The following SPIN1 variants were observed in gnomAD, a reference collection of about 807,000 sequenced individuals.
SPIN1 encodes spindlin-1.
SPIN1 carries 3 observed loss-of-function variants against 26.0 expected under a neutral mutation model. The observed-to-expected ratio is 0.12, with a 90% CI of 0.05 to 0.30. The LOEUF is 0.30. SPIN1 is among the 10% of genes least tolerant of loss of function. The probability of loss-of-function intolerance (pLI) is 1.00; values close to 1 mark genes in which losing one functional copy is unlikely to be tolerated. For synonymous variants in SPIN1, 101 were observed against 116.5 expected (o/e 0.87, Z 0.86); for missense variants, 126 against 333.4 (o/e 0.38, Z 4.84).
chr9:88,451,308 C>G (rs1050123415), intron 3 of SPIN1, among the ~76,000 whole-genome samples: 1 of 152,256 alleles, frequency 6.6e-6, no homozygotes, highest in Non-Finnish European at 1.5e-5. Flanking sequence ...AGTCACAGAA[C>G]TGCACTGAGT....
chr9:88,416,286 C>A (rs911729815), intron 1 of SPIN1, among the ~76,000 whole-genome samples: 6 of 152,044 alleles, frequency 3.9e-5, no homozygotes, highest in Admixed American at 2.6e-4. Context: ...TTTTAAATTT[C>A]TTTTCTGCTA....
chr9:88,435,251 C>T lies in SPIN1; in HGVS notation c.52+8660C>T, dbSNP rs575177959. ...CTTTTTTGGAGATGGGATCTCACTC[C>T]GTCACCCAGGCTGGAGAGCAGTGGC... On this transcript the variant is annotated intron_variant, in intron 2 of 5. Transcript: ENST00000375859. 4.0e-4 allele frequency among the ~76,000 whole-genome samples: 61 copies of T among 151,164 alleles called. 1 individual carries two copies. Among genetic ancestry groups the T allele is most frequent in the South Asian group, 4.0e-3 (19 of 4,780 alleles).
At chr9:88,471,310 A>T (rs114740745) in intron 5 of SPIN1, among the ~76,000 whole-genome samples, 2,478 of 151,528 alleles carry the variant, frequency 0.016, 64 homozygotes, top group African/African-American at 0.057. Context: ...TTTGCTTGTG[A>T]CTGCCTATCT....
rs1341499362 is a variant in SPIN1, at chr9:88,476,581, A to G, written c.*1304A>G. 6.6e-6 allele frequency: 1 copy of G among 152,220 alleles called. No individual in the cohort carries two copies. The highest frequency in any genetic ancestry group is 1.9e-4 in the East Asian group (1 of 5,194). The allele number at this position is 152,220 out of a possible 1,614,324, so 9.4% of individuals were successfully genotyped here. Reference sequence around the variant, plus strand: ...GTTTGCATGCCAGTGAAGCGTTACCATAGAAGAGCCAGCCGTTTGTGTTCG... The same window carrying G: ...GTTTGCATGCCAGTGAAGCGTTACCGTAGAAGAGCCAGCCGTTTGTGTTCG... On this transcript the variant is annotated 3_prime_UTR_variant, in exon 6 of 6. Transcript: ENST00000375859.
At chr9:88,471,197 C>T (rs939253856) in intron 5 of SPIN1, among the ~76,000 whole-genome samples, 1 of 152,126 alleles carries the variant, frequency 6.6e-6, no homozygotes, top group African/African-American at 2.4e-5. Context: ...CCCTCGTTTT[C>T]TTATAAGAGT....
At chr9:88,390,572 G>A (rs978525478) in intron 1 of SPIN1, among the ~76,000 whole-genome samples, 1 of 152,264 alleles carries the variant, frequency 6.6e-6, no homozygotes, top group East Asian at 1.9e-4. Context: ...TGCTGAGATA[G>A]CATTTAAATG....
At chr9:88,426,248 A>G (rs757282343) in intron 1 of SPIN1, 134 bp from the exon 2 acceptor site, 1 of 237,372 alleles carries the variant, frequency 4.2e-6, no homozygotes, top group African/African-American at 2.3e-5. Flanking sequence ...AGGTCTTAGG[A>G]AATAAAGTTA....
chr9:88,393,444 G>GTTTTTT (rs1385162267), intron 1 of SPIN1, among the ~76,000 whole-genome samples: 1 of 116,608 alleles, frequency 8.6e-6, no homozygotes, highest in African/African-American at 4.2e-5. Flanking sequence ...CTTGCTTTTG[G>GTTTTTT]GTTTTTTTTT....
At chr9:88,463,089 A>C (rs901669876) in intron 4 of SPIN1, among the ~76,000 whole-genome samples, 4 of 152,234 alleles carry the variant, frequency 2.6e-5, no homozygotes, top group African/African-American at 9.6e-5. Flanking sequence ...ATCTCATCAG[A>C]TACAAAAGAT....
intron 2 of SPIN1, among the ~76,000 whole-genome samples, chr9:88,439,737 C>G (rs2051462090): frequency 6.6e-6 from 1 of 152,192 alleles, no homozygotes; most frequent in South Asian, 2.1e-4. Context: ...TAATGCCCCC[C>G]TTTATCTTTG....
At chr9:88,409,575 C>G (rs190584523) in intron 1 of SPIN1, among the ~76,000 whole-genome samples, 1 of 151,914 alleles carries the variant, frequency 6.6e-6, no homozygotes, top group South Asian at 2.1e-4. Context: ...GTGGCTCATT[C>G]CTGTAATCCC....
At chr9:88,445,549 TTATTATTATTATTA>T (rs1027924830) in intron 2 of SPIN1, among the ~76,000 whole-genome samples, 3 of 147,138 alleles carry the variant, frequency 2.0e-5, no homozygotes, top group African/African-American at 7.4e-5. Flanking sequence ...ATTATTATTA[TTATTATTATTATTA>T]TATTGAGATG....
intron 3 of SPIN1, among the ~76,000 whole-genome samples, chr9:88,452,977 A>G (rs951640986): frequency 5.9e-5 from 9 of 152,098 alleles, no homozygotes; most frequent in Non-Finnish European, 1.2e-4. Flanking sequence ...TAGAATTGTG[A>G]TTGTTGAAAA....
intron 5 of SPIN1, among the ~76,000 whole-genome samples, chr9:88,473,663 A>ATGTGTGTG (rs758536638): frequency 0.089 from 13,430 of 151,534 alleles, 697 homozygotes; most frequent in Middle Eastern, 0.18. Context: ...GTGTGTGTGC[A>ATGTGTGTG]CGCGCTATGG....
At chr9:88,415,769 A>C (rs1279556966) in intron 1 of SPIN1, 3 of 151,746 alleles carry the variant, frequency 2.0e-5, no homozygotes, top group Admixed American at 6.6e-5. Context: ...TTTGAGATGG[A>C]GTCTAGCTCT....
intron 1 of SPIN1, among the ~76,000 whole-genome samples, chr9:88,399,293 A>G (rs377556117): frequency 6.6e-6 from 1 of 151,092 alleles, no homozygotes; most frequent in Non-Finnish European, 1.5e-5. Flanking sequence ...CGGCCTCCCA[A>G]AGTGCTGGGA....
chr9:88,456,088 A>T (rs1429524538), intron 3 of SPIN1, among the ~76,000 whole-genome samples: 1 of 152,192 alleles, frequency 6.6e-6, no homozygotes, highest in Non-Finnish European at 1.5e-5. Context: ...GTGCACATCC[A>T]TTATTATTTT....
chr9:88,413,695 C>A (rs1587782706), intron 1 of SPIN1, among the ~76,000 whole-genome samples: 1 of 152,074 alleles, frequency 6.6e-6, no homozygotes, highest in Non-Finnish European at 1.5e-5. Context: ...TGTGCCGGGC[C>A]AAAATTAAGG....
At chr9:88,440,311 G>A (rs1828093242) in intron 2 of SPIN1, among the ~76,000 whole-genome samples, 1 of 145,240 alleles carries the variant, frequency 6.9e-6, no homozygotes, top group Non-Finnish European at 1.5e-5. Context: ...GATATTTTTT[G>A]TTTTTAATTT....
Sources: allele counts gnomAD v4.1 joint callset (sites outside exome capture counted in the v4.1 genomes callset), GRCh38; gene constraint gnomAD v4.1.1; transcripts MANE v1.5; gene names NCBI Gene and HGNC (gene_info 2026-07-23, HGNC 2026-07-21).